Variants in AUTS2 observed in about 807,000 individuals in gnomAD.
AUTS2 encodes the protein activator of transcription and developmental regulator AUTS2.
In AUTS2, 17 loss-of-function variants were observed where a neutral mutation model predicts 112.4. The observed-to-expected ratio is 0.15, with a 90% confidence interval of 0.10 to 0.23. The LOEUF (loss-of-function observed/expected upper bound fraction) is 0.23. Ranked by LOEUF, AUTS2 falls within the 10% of genes least tolerant of loss-of-function variation. The pLI is 1.00. For synonymous variants in AUTS2, 751 were observed against 702.7 expected (o/e 1.07, Z -1.09); for missense variants, 1,510 against 1,701.6 (o/e 0.89, Z 1.98).
At chr7:70,314,772 AG>A (rs1364014106) in intron 4 of AUTS2, among the ~76,000 whole-genome samples, 1 of 152,184 alleles carries the variant, frequency 6.6e-6, no homozygotes, top group African/African-American at 2.4e-5. Flanking sequence ...CTCCCTCTGG[AG>A]AAAAACATGT....
intron 5 of AUTS2, among the ~76,000 whole-genome samples, chr7:70,440,624 C>T (rs1261290434): frequency 6.6e-6 from 1 of 152,070 alleles, no homozygotes; most frequent in Non-Finnish European, 1.5e-5. Flanking sequence ...AGCCTTTATC[C>T]CAAGGGCCCT....
At chr7:69,664,623 C>T (rs1402950191) in intron 1 of AUTS2, among the ~76,000 whole-genome samples, 1 of 152,020 alleles carries the variant, frequency 6.6e-6, no homozygotes, top group Non-Finnish European at 1.5e-5. Context: ...TGGAAAGTAC[C>T]CTGTGTCTCA....
At chr7:70,644,115 C>A (rs1585427725) in intron 5 of AUTS2, among the ~76,000 whole-genome samples, 1 of 152,084 alleles carries the variant, frequency 6.6e-6, no homozygotes, top group East Asian at 1.9e-4. Flanking sequence ...GCTCATTCAA[C>A]AAGTAGTTAT....
intron 5 of AUTS2, among the ~76,000 whole-genome samples, chr7:70,503,799 G>A (rs1351537217): frequency 6.0e-5 from 9 of 150,470 alleles, no homozygotes; most frequent in Non-Finnish European, 1.0e-4. Context: ...GATTACAGGC[G>A]TGAGCCTACT....
At chr7:70,022,477 T>C (rs1800321544) in intron 2 of AUTS2, among the ~76,000 whole-genome samples, 1 of 151,954 alleles carries the variant, frequency 6.6e-6, no homozygotes, top group Non-Finnish European at 1.5e-5. Context: ...CACACCACCA[T>C]GCCAGGCTAA....
At chr7:70,312,679 T>C (rs1424962774) in intron 4 of AUTS2, among the ~76,000 whole-genome samples, 1 of 152,196 alleles carries the variant, frequency 6.6e-6, no homozygotes, top group African/African-American at 2.4e-5. Flanking sequence ...CCAGGACCAG[T>C]ACATATGCAG....
chr7:70,394,801 C>G (rs572015694), intron 4 of AUTS2, among the ~76,000 whole-genome samples: 1 of 151,134 alleles, frequency 6.6e-6, no homozygotes, highest in African/African-American at 2.4e-5. Context: ...CTATTAGCCA[C>G]GTGTTGTGGC....
At chr7:69,905,062 CTTTTG>C (rs1795100094) in intron 2 of AUTS2, among the ~76,000 whole-genome samples, 1 of 152,036 alleles carries the variant, frequency 6.6e-6, no homozygotes, top group Non-Finnish European at 1.5e-5. Context: ...AGGTGTTTTG[CTTTTG>C]TTTTATCTTG....
chr7:70,764,763 G>A lies in AUTS2; in HGVS notation c.1226G>A (p.Ser409Asn), dbSNP rs1401465689. 6.8e-6 allele frequency: 5 copies of A among 740,248 alleles called. No individual in the cohort carries two copies. 45.9% of individuals were successfully genotyped at this position (740,248 alleles called of 1,614,324 possible). A position where few individuals can be genotyped will look rare whatever the true frequency, so the allele number is the denominator to read the frequency against. The change falls in exon 8 of 19, where the codon AGC becomes AAC. Residue 409 changes from serine to asparagine, a missense_variant. Physicochemically the swap from Ser to Asn is conservative, Grantham distance 46. Transcript: ENST00000342771. The part of the protein sequence containing the change: ...LSLNSLSSSR[S>N]STPAKTQPAP... ...TCTTGTTCCGATAGCAGCAGCAGAAGCAGCACTCCAGCGAAGACTCAGCCC... is the reference window on the plus strand; with the variant it reads ...TCTTGTTCCGATAGCAGCAGCAGAAACAGCACTCCAGCGAAGACTCAGCCC...
chr7:70,776,691 A>T (rs553599735), intron 13 of AUTS2: 4 of 260,398 alleles, frequency 1.5e-5, no homozygotes, highest in African/African-American at 4.6e-5. Flanking sequence ...TGACTCACAG[A>T]CATTCACTAA....
intron 1 of AUTS2, among the ~76,000 whole-genome samples, chr7:69,765,783 T>A (rs1222544664): frequency 6.6e-6 from 1 of 151,786 alleles, no homozygotes; most frequent in Non-Finnish European, 1.5e-5. Flanking sequence ...CTACAAAAAA[T>A]ACAAAGAAAA....
At chr7:70,323,687 C>T (rs534579752) in intron 4 of AUTS2, among the ~76,000 whole-genome samples, 1 of 152,296 alleles carries the variant, frequency 6.6e-6, no homozygotes, top group South Asian at 2.1e-4. Flanking sequence ...AAGGAAAATC[C>T]TTTCAAAGAG....
intron 4 of AUTS2, among the ~76,000 whole-genome samples, chr7:70,148,396 A>G (rs369480233): frequency 6.6e-6 from 1 of 152,156 alleles, no homozygotes; most frequent in Admixed American, 6.5e-5. Flanking sequence ...AATACTCAAA[A>G]CAATCATCCT....
intron 5 of AUTS2, among the ~76,000 whole-genome samples, chr7:70,681,087 C>T (rs1343125373): frequency 1.3e-5 from 2 of 151,846 alleles, no homozygotes; most frequent in Admixed American, 1.3e-4. Flanking sequence ...TCTGAAGATC[C>T]ACACTCGCTT....
chr7:69,834,165 G>T (rs1391436712), intron 1 of AUTS2, among the ~76,000 whole-genome samples: 1 of 152,122 alleles, frequency 6.6e-6, no homozygotes, highest in Admixed American at 6.5e-5. Flanking sequence ...CTTCTTTACA[G>T]GCTGGCTAGC....
chr7:69,894,345 G>GT (rs34811635), intron 1 of AUTS2, among the ~76,000 whole-genome samples: 35,584 of 142,392 alleles, frequency 0.25, 4,325 homozygotes, highest in Middle Eastern at 0.35. Context: ...AAGGGAGGCA[G>GT]TTTTTTTTAT....
intron 2 of AUTS2, among the ~76,000 whole-genome samples, chr7:70,077,053 G>A (rs567733111): frequency 1.3e-5 from 2 of 152,300 alleles, no homozygotes; most frequent in East Asian, 1.9e-4. Flanking sequence ...ATTCTGGGGG[G>A]TCCTGGAGGA....
intron 5 of AUTS2, among the ~76,000 whole-genome samples, chr7:70,512,026 A>G (rs960906116): frequency 1.5e-4 from 23 of 152,234 alleles, no homozygotes; most frequent in Admixed American, 7.8e-4. Context: ...TAGTCCAGAG[A>G]GTCAAGAAAG....
At position 70,384,580 on chromosome 7, in the gene AUTS2, G is replaced by A. The variant is rs757082888; in HGVS notation, c.661-51172G>A. On this transcript the variant is annotated intron_variant, in intron 4 of 18. Coordinates refer to ENST00000342771, the MANE Select transcript of AUTS2 (RefSeq NM_015570.4). ...TCAGCTCCAGGCTGCTGTGCACGGC[G>A]CCAACGGTGCCAAGAGCTTGTCTGT... Among the ~76,000 whole-genome samples the A allele has an allele frequency of 4.6e-5, 7 of 152,158 alleles. No homozygotes were observed. In the East Asian group the frequency reaches 5.8e-4, roughly 13 times the overall value.
Sources: allele counts gnomAD v4.1 joint callset (sites outside exome capture counted in the v4.1 genomes callset), GRCh38; gene constraint gnomAD v4.1.1; transcripts MANE v1.5; gene names NCBI Gene and HGNC (gene_info 2026-07-23, HGNC 2026-07-21).